DNAH14: variants seen among roughly 807,000 people sequenced by gnomAD.
DNAH14 encodes axonemal beta dynein heavy chain 14.
Under a neutral mutation model 520.9 loss-of-function variants are expected in DNAH14, and 478 were observed. That is an observed-to-expected ratio of 0.92 (90% CI 0.85 to 0.99). The LOEUF (loss-of-function observed/expected upper bound fraction) is 0.99, where lower values mean the gene tolerates loss of function less well. DNAH14 is among the 50% of genes least tolerant of loss of function. The pLI is 0.00. For missense variants in DNAH14, 4,831 were observed against 5,234.5 expected, an observed-to-expected ratio of 0.92 and a Z score of 2.38; for synonymous variants, 1,581 against 1,757.2, an observed-to-expected ratio of 0.90 and a Z score of 2.51.
chr1:225,185,600 A>G (rs2084601196), intron 37 of DNAH14, among the ~76,000 whole-genome samples, 175 bp downstream of exon 37: 1 of 152,002 alleles, frequency 6.6e-6, no homozygotes, highest in Non-Finnish European at 1.5e-5. Flanking sequence ...CAAACTGATC[A>G]TTACTAGTTT....
chr1:225,305,427 G>A (rs1410632921), intron 58 of DNAH14, among the ~76,000 whole-genome samples: 1 of 152,146 alleles, frequency 6.6e-6, no homozygotes, highest in African/African-American at 2.4e-5. Flanking sequence ...CAAAATAAAA[G>A]GCTTCAGATG....
chr1:225,082,923 A>T (rs1456939564), intron 20 of DNAH14, among the ~76,000 whole-genome samples, 184 bp downstream of exon 20: 2 of 152,266 alleles, frequency 1.3e-5, no homozygotes, highest in Non-Finnish European at 2.9e-5. Context: ...ATATTGGGTA[A>T]GCTATTAATT....
intron 7 of DNAH14, chr1:224,969,671 C>A: frequency 3.6e-6 from 1 of 279,582 alleles, no homozygotes; most frequent in South Asian, 1.4e-4. Flanking sequence ...CGGCCGAAGC[C>A]ATGGCAGAAG....
intron 29 of DNAH14, among the ~76,000 whole-genome samples, chr1:225,144,953 G>A (rs2149048199): frequency 6.6e-6 from 1 of 152,182 alleles, no homozygotes; most frequent in South Asian, 2.1e-4. Context: ...GAGAGAAAGT[G>A]AGACCGAAAG....
intron 79 of DNAH14, among the ~76,000 whole-genome samples, chr1:225,378,397 T>C (rs1415121515): frequency 6.6e-6 from 1 of 152,170 alleles, no homozygotes; most frequent in Non-Finnish European, 1.5e-5. Flanking sequence ...CTGGGTTGAA[T>C]TCTAAGGAGA....
Position 225,367,934 on chromosome 1 carries a change from T to A in DNAH14, c.12220T>A (p.Phe4074Ile), listed in dbSNP as rs1244849776. ...TGGACAATGGTGGAAAAAACTTTTA[T>A]TTAGCCTATGTTTTTTCAATGCTGT... is the stretch of plus-strand genomic sequence containing the variant. ...DCGQWWKKLLFSLCFFNAVIN... is the reference protein window; with the variant it reads ...DCGQWWKKLLISLCFFNAVIN... Residue 4074 changes from phenylalanine (F) to isoleucine (I), a missense_variant, in exon 77 of 86, where the codon TTT (phenylalanine) becomes ATT (isoleucine). Phe to Ile is a conservative substitution (Grantham distance 21). Transcript: ENST00000682510. 16 of 1,551,522 alleles carry A rather than the reference T, an allele frequency of 1.0e-5. No individual in the cohort carries two copies. Among genetic ancestry groups the A allele is most frequent in the Non-Finnish European group, 1.4e-5 (16 of 1,146,952 alleles).
intron 10 of DNAH14, among the ~76,000 whole-genome samples, chr1:225,010,006 G>A (rs937809957): frequency 6.6e-6 from 1 of 152,138 alleles, no homozygotes. Context: ...CTGAAATGAT[G>A]GGGTTTTCTA....
chr1:225,155,025 T>A (rs2080889465), intron 34 of DNAH14, among the ~76,000 whole-genome samples: 1 of 152,044 alleles, frequency 6.6e-6, no homozygotes, highest in South Asian at 2.1e-4. Context: ...CTTAAATATA[T>A]GAAAATACAC....
In DNAH14 at chr1:225,206,059, A is replaced by G. The variant is rs370179144; in HGVS notation, c.6066A>G (p.Thr2022=). 3.3e-5 allele frequency: 51 copies of G among 1,551,654 alleles called. No individual in the cohort carries two copies. In the African/African-American group the frequency reaches 5.7e-4, roughly 17 times the overall value. Residue 2022 remains threonine (T), a synonymous_variant, in exon 40 of 86, where the codon ACA becomes ACG. Transcript: ENST00000682510. ...ACTCTGTGCTAGATGATACTAGAAC[A>G]TTGTGCCTAGCAAACAGTGAGAGAA... ...NLNSVLDDTR[T]LCLANSERIA...
intron 46 of DNAH14, 27 bp downstream of exon 46, chr1:225,259,280 AT>A: frequency 3.7e-6 from 5 of 1,337,122 alleles, no homozygotes; most frequent in Non-Finnish European, 4.9e-6. Flanking sequence ...TCTAAATTTG[AT>A]TTGTCTGATT....
At chr1:224,990,147 T>C (rs1348116732) in intron 8 of DNAH14, among the ~76,000 whole-genome samples, 1 of 152,108 alleles carries the variant, frequency 6.6e-6, no homozygotes, top group Non-Finnish European at 1.5e-5. Flanking sequence ...TTTCTTTTTT[T>C]CTGACTTAAA....
At position 225,156,783 on chromosome 1, in the gene DNAH14, C is replaced by CG. The variant is rs1353473268; in HGVS notation, c.5274-2529dup. ...AGGCTGGAGTGCAGTGGCGGGATCT[C>CG]GGCTCACTGCAAGCTCCGCCTCCCG... On this transcript the variant is annotated intron_variant, in intron 34 of 85. Transcript: ENST00000682510. Among the ~76,000 whole-genome samples, 3 of 96,024 alleles carry CG rather than the reference C, an allele frequency of 3.1e-5. No individual in the cohort carries two copies. In the East Asian group the frequency reaches 1.7e-3, roughly 55 times the overall value. 63.0% of individuals were successfully genotyped at this position (96,024 alleles called of 152,430 possible).
chr1:225,117,778 A>T lies in DNAH14; in HGVS notation c.3962A>T (p.Glu1321Val). 1 of 1,549,834 alleles carries T rather than the reference A, an allele frequency of 6.5e-7. No individual in the cohort carries two copies. Among genetic ancestry groups the T allele is most frequent in the African/African-American group, 1.4e-5 (1 of 73,136 alleles). ...ATTCTAGCTGATAGCAGAAATCCTG[A>T]GTCTGTACAGGTAATAACATCTTTC... ...LDILADSRNP[E>V]SVQPHLVKCF... The change falls in exon 24 of 86, where the codon GAG becomes GTG. Residue 1321 changes from glutamate (E) to valine (V), a missense_variant. Coordinates refer to ENST00000682510, the MANE Select transcript of DNAH14 (RefSeq NM_001367479.1).
Position 225,063,917 on chromosome 1 carries a change from A to G in DNAH14, c.2424+12122A>G, listed in dbSNP as rs183178579. On this transcript the variant is annotated intron_variant, in intron 17 of 85. Coordinates refer to ENST00000682510, the MANE Select transcript of DNAH14 (RefSeq NM_001367479.1). Reference sequence around the variant, plus strand: ...CCTCCTCCCCAAAAAAAGATAAAGAATAAAAAAGAAAAAAAAAAGAAATTT... The same window carrying G: ...CCTCCTCCCCAAAAAAAGATAAAGAGTAAAAAAGAAAAAAAAAAGAAATTT... Among the ~76,000 whole-genome samples the G allele has an allele frequency of 4.2e-3, 635 of 152,002 alleles. 4 individuals carry two copies. Among genetic ancestry groups the G allele is most frequent in the African/African-American group, 0.015 (604 of 41,542 alleles).
At chr1:225,106,708 T>C (rs925666433) in intron 23 of DNAH14, among the ~76,000 whole-genome samples, 9 of 152,198 alleles carry the variant, frequency 5.9e-5, no homozygotes, top group African/African-American at 9.6e-5. Flanking sequence ...ACATAGTTCT[T>C]GTGCCTTGGT....
chr1:225,081,827 T>C (rs1324915539), intron 19 of DNAH14, among the ~76,000 whole-genome samples: 2 of 152,262 alleles, frequency 1.3e-5, no homozygotes, highest in East Asian at 3.9e-4. Flanking sequence ...ACTTCAGTGG[T>C]TTGTCAATGC....
At chr1:225,388,297 A>T (rs2095864902) in intron 81 of DNAH14, 82 bp from the exon 82 acceptor site, 3 of 730,422 alleles carry the variant, frequency 4.1e-6, no homozygotes, top group Non-Finnish European at 4.5e-6. Flanking sequence ...AATTGAGTCT[A>T]TTACCAAGGT....
intron 17 of DNAH14, among the ~76,000 whole-genome samples, chr1:225,063,311 C>T (rs2070423898): frequency 6.6e-6 from 1 of 152,032 alleles, no homozygotes; most frequent in Non-Finnish European, 1.5e-5. Context: ...CTTTAAATCA[C>T]CTCTAGATTA....
chr1:224,934,947 C>G (rs1252919422), intron 1 of DNAH14, among the ~76,000 whole-genome samples: 1 of 151,598 alleles, frequency 6.6e-6, no homozygotes, highest in African/African-American at 2.4e-5. Context: ...GAAATGAAGT[C>G]ATTCCTAGAC....
Sources: gnomAD v4.1 joint callset for allele counts (sites outside exome capture counted in the v4.1 genomes callset) on GRCh38, gnomAD v4.1.1 for gene constraint, MANE v1.5 for transcripts, NCBI Gene and HGNC (gene_info 2026-07-23, HGNC 2026-07-21) for gene names.